The following OCA2 variants were observed in gnomAD, a reference collection of about 807,000 sequenced individuals.
OCA2 encodes the protein OCA2 melanosomal transmembrane protein, also known as P protein.
Under a neutral mutation model 100.2 loss-of-function variants are expected in OCA2, and 77 were observed. That is an observed-to-expected ratio of 0.77 (90% CI 0.64 to 0.93). The LOEUF (loss-of-function observed/expected upper bound fraction) is 0.93. Ranked by LOEUF, OCA2 falls within the 40% of genes least tolerant of loss-of-function variation. OCA2 has a pLI of 0.00. For synonymous variants in OCA2, 432 were observed against 439.2 expected, an observed-to-expected ratio of 0.98 and a Z score of 0.21; for missense variants, 1,062 against 1,089.1, an observed-to-expected ratio of 0.98 and a Z score of 0.35.
intron 9 of OCA2, among the ~76,000 whole-genome samples, chr15:27,995,997 G>C (rs2041715037): frequency 6.6e-6 from 1 of 151,952 alleles, no homozygotes; most frequent in South Asian, 2.1e-4. Context: ...ATTTTCAGTA[G>C]AGACGGGGTT....
At chr15:28,039,618 C>T (rs898487301) in intron 2 of OCA2, among the ~76,000 whole-genome samples, 4 of 152,178 alleles carry the variant, frequency 2.6e-5, no homozygotes, top group Non-Finnish European at 4.4e-5. Context: ...ATGTTGAAGC[C>T]CTAACCCCTA....
intron 23 of OCA2, among the ~76,000 whole-genome samples, chr15:27,786,543 T>C (rs575165708): frequency 1.9e-4 from 29 of 152,300 alleles, no homozygotes; most frequent in African/African-American, 6.7e-4. Flanking sequence ...TTTCTGATAC[T>C]ATTGAATAGA....
intron 5 of OCA2, among the ~76,000 whole-genome samples, chr15:28,023,435 G>A (rs1324246589): frequency 6.6e-6 from 1 of 152,136 alleles, no homozygotes; most frequent in Non-Finnish European, 1.5e-5. Context: ...CGGACCCAGG[G>A]CCACAGACAT....
chr15:27,792,369 G>A (rs1428129588), intron 23 of OCA2, among the ~76,000 whole-genome samples: 6 of 152,118 alleles, frequency 3.9e-5, no homozygotes, highest in Admixed American at 3.9e-4. Flanking sequence ...GCTGGCCACT[G>A]GCCTGCTTGC....
At chr15:27,789,412 C>A (rs375481163) in intron 23 of OCA2, among the ~76,000 whole-genome samples, 1 of 152,202 alleles carries the variant, frequency 6.6e-6, no homozygotes, top group Admixed American at 6.5e-5. Flanking sequence ...TTTGTATCTT[C>A]GTTTCAACAT....
chr15:27,793,380 A>G (rs1345570240), intron 23 of OCA2, among the ~76,000 whole-genome samples: 1 of 150,464 alleles, frequency 6.6e-6, no homozygotes, highest in Non-Finnish European at 1.5e-5. Flanking sequence ...CCCACCTGGT[A>G]AAACAATGAG....
In OCA2 at chr15:28,018,403, T is replaced by G; in HGVS notation, c.801A>C (p.Pro267=). Residue 267 remains proline, a synonymous_variant, in exon 7 of 24, where the codon CCA becomes CCC. Transcript: ENST00000354638. ...AATAAATTATCAGCATAACCTGCTG[T>G]GGCCGCCGCCACCTGGAGCCCAAAG... ...ADALGSRWRR[P]QQVTHNWTVY... is the part of the protein sequence containing the mutation. 1 of 1,614,022 alleles carries G rather than the reference T, an allele frequency of 6.2e-7. No homozygotes were observed. The highest frequency in any genetic ancestry group is 8.5e-7 in the Non-Finnish European group (1 of 1,179,968).
At chr15:27,869,031 AC>A (rs572251299) in intron 21 of OCA2, among the ~76,000 whole-genome samples, 1 of 152,170 alleles carries the variant, frequency 6.6e-6, no homozygotes, top group Non-Finnish European at 1.5e-5. Flanking sequence ...AAGGATTGTG[AC>A]CATCGCTGCA....
chr15:27,870,839 A>G (rs948477628), intron 21 of OCA2, among the ~76,000 whole-genome samples: 1 of 152,174 alleles, frequency 6.6e-6, no homozygotes, highest in Non-Finnish European at 1.5e-5. Flanking sequence ...AAAGAGAAAG[A>G]AAGAGAGAAA....
At chr15:27,971,936 T>C (rs1324010344) in intron 14 of OCA2, among the ~76,000 whole-genome samples, 3 of 152,196 alleles carry the variant, frequency 2.0e-5, no homozygotes, top group Admixed American at 1.3e-4. Context: ...TAGTGGACAT[T>C]GTACATAATA....
chr15:28,057,054 A>G (rs751475865), intron 2 of OCA2, among the ~76,000 whole-genome samples: 6 of 152,216 alleles, frequency 3.9e-5, no homozygotes, highest in Non-Finnish European at 8.8e-5. Flanking sequence ...TTAGGTTTGT[A>G]TTGCTTTTCT....
intron 23 of OCA2, among the ~76,000 whole-genome samples, chr15:27,767,284 C>T (rs560920846): frequency 5.3e-4 from 80 of 151,908 alleles, no homozygotes; most frequent in African/African-American, 1.7e-3. Flanking sequence ...TTCTGGGGCA[C>T]ACTACAACTG....
intron 18 of OCA2, among the ~76,000 whole-genome samples, chr15:27,935,398 C>T (rs796994879): frequency 1.1e-4 from 16 of 152,268 alleles, no homozygotes; most frequent in African/African-American, 3.1e-4. Flanking sequence ...AGTTTCTATG[C>T]CGAACAAATA....
At chr15:27,751,334 C>T (rs1422809536), downstream of OCA2, among the ~76,000 whole-genome samples, 1 of 152,088 alleles carries the variant, frequency 6.6e-6, no homozygotes, top group Non-Finnish European at 1.5e-5. Flanking sequence ...ATTAGAATGA[C>T]CAAGTTTGTT....
At chr15:27,838,680 C>T (rs567782457) in intron 23 of OCA2, among the ~76,000 whole-genome samples, 2 of 152,290 alleles carry the variant, frequency 1.3e-5, no homozygotes, top group South Asian at 2.1e-4. Flanking sequence ...TGTAAGAGAA[C>T]GGGGCTGCCA....
At chr15:27,739,226 A>G in the OCA2 span, among the ~76,000 whole-genome samples, 45,783 of 152,040 alleles carry the variant, frequency 0.3, 8,437 homozygotes, top group Non-Finnish European at 0.43. Context: ...AGGCTGCAGC[A>G]TCCTTTAAGG....
At chr15:27,865,891 G>A (rs2036302668) in intron 21 of OCA2, among the ~76,000 whole-genome samples, 2 of 152,190 alleles carry the variant, frequency 1.3e-5, no homozygotes, top group Non-Finnish European at 1.5e-5. Flanking sequence ...TGGGTTCAGA[G>A]GGCTCCACAG....
At chr15:28,074,427 C>A (rs2044361712) in intron 2 of OCA2, among the ~76,000 whole-genome samples, 1 of 152,082 alleles carries the variant, frequency 6.6e-6, no homozygotes, top group African/African-American at 2.4e-5. Flanking sequence ...GTAATCCCAG[C>A]ACTTTGGGAG....
At chr15:28,067,851 T>C (rs887950860) in intron 2 of OCA2, among the ~76,000 whole-genome samples, 5 of 152,182 alleles carry the variant, frequency 3.3e-5, no homozygotes, top group Non-Finnish European at 7.4e-5. Flanking sequence ...TTAGGTCCAA[T>C]TGGTCAAGTG....
Sources: gnomAD v4.1 joint callset for allele counts (sites outside exome capture counted in the v4.1 genomes callset) on GRCh38, gnomAD v4.1.1 for gene constraint, MANE v1.5 for transcripts, NCBI Gene and HGNC (gene_info 2026-07-23, HGNC 2026-07-21) for gene names.